The following GRM5 variants were observed in gnomAD, a reference collection of about 807,000 sequenced individuals.
GRM5 encodes the protein glutamate metabotropic receptor 5.
A neutral mutation model predicts 83.1 loss-of-function variants in GRM5; 19 were observed. That is an observed-to-expected ratio of 0.23 (90% CI 0.16 to 0.34). The LOEUF (loss-of-function observed/expected upper bound fraction) is 0.34. GRM5 is among the 10% of genes least tolerant of loss of function. The pLI, the probability that GRM5 is intolerant of heterozygous loss-of-function variation, is 1.00. For missense variants in GRM5, 1,160 were observed against 1,588.3 expected (o/e 0.73, Z 4.58); for synonymous variants, 675 against 633.6 (o/e 1.07, Z -0.98).
intron 2 of GRM5, among the ~76,000 whole-genome samples, chr11:88,950,349 TAA>T (rs1491380363): frequency 5.8e-5 from 5 of 85,612 alleles, no homozygotes; most frequent in Admixed American, 3.2e-4. Context: ...ATTTGTGAGA[TAA>T]GTGTGTGTGT....
chr11:88,749,963 T>C (rs1000436405), intron 3 of GRM5, among the ~76,000 whole-genome samples: 2 of 152,066 alleles, frequency 1.3e-5, no homozygotes, highest in Non-Finnish European at 1.5e-5. Flanking sequence ...GGAAAAACCG[T>C]TGCCAGCTAC....
intron 2 of GRM5, among the ~76,000 whole-genome samples, chr11:88,963,641 T>C (rs1402794434): frequency 1.3e-5 from 2 of 152,260 alleles, no homozygotes; most frequent in Non-Finnish European, 2.9e-5. Flanking sequence ...CAACCTCTTC[T>C]AGCTTTGGCT....
At chr11:88,614,703 T>A (rs958420012) in intron 4 of GRM5, among the ~76,000 whole-genome samples, 17 of 152,152 alleles carry the variant, frequency 1.1e-4, no homozygotes, top group Non-Finnish European at 2.4e-4. Context: ...TTTGCATGTA[T>A]CTGATATGTG....
At chr11:88,545,129 C>T (rs1185945743) in intron 8 of GRM5, among the ~76,000 whole-genome samples, 1 of 152,170 alleles carries the variant, frequency 6.6e-6, no homozygotes, top group Middle Eastern at 3.2e-3. Context: ...CTATTGACTA[C>T]TTCTTCATCT....
At position 88,747,251 on chromosome 11, in the gene GRM5, C is replaced by A. The variant is rs188854844; in HGVS notation, c.912-93848G>T. 3.3e-5 allele frequency among the ~76,000 whole-genome samples: 5 copies of A among 152,276 alleles called. No individual in the cohort carries two copies. In the East Asian group the frequency reaches 7.7e-4, roughly 24 times the overall value. On this transcript the variant is annotated intron_variant, in intron 3 of 9. Coordinates refer to ENST00000305447, the MANE Select transcript of GRM5 (RefSeq NM_001143831.3). ...CAAACTCTAATGATTTATTCAGATG[C>A]ATGTGGTTTTCACCATGTCAATGTG...
intron 3 of GRM5, among the ~76,000 whole-genome samples, chr11:88,829,558 A>T (rs1240558629): frequency 6.6e-6 from 1 of 152,202 alleles, no homozygotes; most frequent in African/African-American, 2.4e-5. Flanking sequence ...ATATAATAGT[A>T]TACAGAAAAT....
At position 88,586,179 on chromosome 11, in the gene GRM5, GTAAACACCTTAA is replaced by G. The variant is rs369822324; in HGVS notation, c.1690+4410_1690+4421del. On this transcript the variant is annotated intron_variant, in intron 7 of 9. Coordinates refer to ENST00000305447, the MANE Select transcript of GRM5 (RefSeq NM_001143831.3). The stretch of plus-strand genomic sequence containing the variant: ...AAAGGAACCTGTAATCCTACCACCT[GTAAACACCTTAA>G]CGTTAGGTAGCCTTCATTTAGGATA... Among the ~76,000 whole-genome samples the G allele has an allele frequency of 7.3e-3, 1,115 of 151,996 alleles. 11 individuals carry two copies. Among genetic ancestry groups the G allele is most frequent in the African/African-American group, 0.026 (1,077 of 41,428 alleles).
intron 2 of GRM5, among the ~76,000 whole-genome samples, chr11:88,986,261 G>A (rs1939706768): frequency 6.6e-6 from 1 of 152,030 alleles, no homozygotes; most frequent in African/African-American, 2.4e-5. Flanking sequence ...TATATTGTAT[G>A]GTTCAATTTA....
At chr11:88,840,276 A>T (rs1944173227) in intron 3 of GRM5, among the ~76,000 whole-genome samples, 1 of 152,212 alleles carries the variant, frequency 6.6e-6, no homozygotes, top group Admixed American at 6.5e-5. Context: ...GCAGTCTTGA[A>T]TAACTGAAAC....
At chr11:88,759,049 C>T (rs117132906) in intron 3 of GRM5, among the ~76,000 whole-genome samples, 107 of 152,234 alleles carry the variant, frequency 7.0e-4, no homozygotes, top group Middle Eastern at 3.4e-3. Context: ...GAACCTGTTA[C>T]CACCAAACCT....
rs111543404 is a variant in GRM5, at chr11:88,525,860, C to T, written c.2631-456G>A. On this transcript the variant is annotated intron_variant, in intron 8 of 9. Transcript: ENST00000305447. ...ATTTCCATTTTACTGATGAAGAAACCTAAGATTATAGAGGTTAAGCAAATT... is the reference window on the plus strand; with the variant it reads ...ATTTCCATTTTACTGATGAAGAAACTTAAGATTATAGAGGTTAAGCAAATT... 4.3e-3 allele frequency among the ~76,000 whole-genome samples: 653 copies of T among 152,206 alleles called. 5 individuals are homozygous for T. Among genetic ancestry groups the T allele is most frequent in the African/African-American group, 0.01 (428 of 41,516 alleles).
At chr11:88,934,283 C>T (rs1487914964) in intron 2 of GRM5, among the ~76,000 whole-genome samples, 1 of 151,766 alleles carries the variant, frequency 6.6e-6, no homozygotes, top group African/African-American at 2.4e-5. Context: ...GTCAAACTGT[C>T]AATTGATTTC....
chr11:88,561,256 C>T (rs1942747767), intron 8 of GRM5, among the ~76,000 whole-genome samples: 1 of 152,132 alleles, frequency 6.6e-6, no homozygotes, highest in African/African-American at 2.4e-5. Context: ...AGCAGACAGC[C>T]AAAGTGGGCC....
intron 2 of GRM5, among the ~76,000 whole-genome samples, chr11:88,980,095 T>G (rs754941891): frequency 6.6e-6 from 1 of 152,238 alleles, no homozygotes; most frequent in African/African-American, 2.4e-5. Context: ...TGTGCGGAGG[T>G]TGGATTTTGC....
intron 6 of GRM5, among the ~76,000 whole-genome samples, chr11:88,591,292 C>G (rs1047423701): frequency 6.6e-6 from 1 of 152,130 alleles, no homozygotes; most frequent in Admixed American, 6.5e-5. Flanking sequence ...TACGAAAAAT[C>G]TGATTCAACA....
chr11:88,508,542 A>C lies in GRM5; in HGVS notation c.*50T>G, dbSNP rs1426509387. 2 of 1,484,628 alleles carry C rather than the reference A, an allele frequency of 1.3e-6. No homozygotes were observed. The highest frequency in any genetic ancestry group is 1.9e-6 in the Non-Finnish European group (2 of 1,073,180). The allele number at this position is 1,484,628 out of a possible 1,614,324, so 92.0% of individuals were successfully genotyped here. A position where few individuals can be genotyped will look rare whatever the true frequency, so the allele number is the denominator to read the frequency against. On this transcript the variant is annotated 3_prime_UTR_variant, in exon 10 of 10. Transcript: ENST00000305447. The surrounding 1 kb of genome is among the most constrained non-coding windows in gnomAD (Gnocchi z 4.2). ...TGCTTGCCATTGTGTGTGTGTGAACACGGGGGGCTCCGCTCCGCACGCGCA... is the reference window on the plus strand; with the variant it reads ...TGCTTGCCATTGTGTGTGTGTGAACCCGGGGGGCTCCGCTCCGCACGCGCA...
chr11:88,682,875 T>C (rs1436593179), intron 3 of GRM5, among the ~76,000 whole-genome samples: 1 of 152,046 alleles, frequency 6.6e-6, no homozygotes, highest in Non-Finnish European at 1.5e-5. Flanking sequence ...TCTTTGTATT[T>C]CCCACAATGT....
At chr11:88,811,599 G>T (rs1211540709) in intron 3 of GRM5, among the ~76,000 whole-genome samples, 1 of 152,086 alleles carries the variant, frequency 6.6e-6, no homozygotes, top group East Asian at 1.9e-4. Context: ...TCACTCTGTA[G>T]AATGAAAGTA....
At chr11:88,803,306 C>A (rs1943436403) in intron 3 of GRM5, among the ~76,000 whole-genome samples, 1 of 151,814 alleles carries the variant, frequency 6.6e-6, no homozygotes, top group South Asian at 2.1e-4. Context: ...CTACAGTAAC[C>A]AAAACAGCAT....
Sources: allele counts gnomAD v4.1 joint callset (sites outside exome capture counted in the v4.1 genomes callset), GRCh38; gene constraint gnomAD v4.1.1; non-coding constraint Gnocchi (gnomAD v3.1); transcripts MANE v1.5; gene names NCBI Gene and HGNC (gene_info 2026-07-23, HGNC 2026-07-21).